Variants in ADGRA1 observed in about 807,000 individuals in gnomAD.
ADGRA1 encodes adhesion G protein-coupled receptor A1.
In ADGRA1, 12 loss-of-function variants were observed where a neutral mutation model predicts 21.3. That is an observed-to-expected ratio of 0.56 (90% CI 0.36 to 0.91). The LOEUF (loss-of-function observed/expected upper bound fraction) is 0.91. Among genes scored for constraint, ADGRA1 ranks in the 40% least tolerant of loss-of-function variants. ADGRA1 has a pLI of 0.01. For missense variants in ADGRA1, 790 were observed against 805.6 expected (o/e 0.98, Z 0.23); for synonymous variants, 385 against 368.8 (o/e 1.04, Z -0.50).
At chr10:133,117,591 A>G (rs11101938) in intron 5 of ADGRA1, among the ~76,000 whole-genome samples, 2,933 of 152,298 alleles carry the variant, frequency 0.019, 40 homozygotes, top group Non-Finnish European at 0.027. Flanking sequence ...TACCCCTGGC[A>G]CTCAGGCCGT....
chr10:133,111,892 GACACCTCCCTCCTAAT>G (rs1564849535), intron 5 of ADGRA1, among the ~76,000 whole-genome samples: 9 of 114,904 alleles, frequency 7.8e-5, no homozygotes, highest in Admixed American at 1.7e-4. Context: ...GCCCACCACA[GACACCTCCCTCCTAAT>G]GCCTCCAGAC....
At chr10:133,095,478 G>A (rs1318377106) in intron 2 of ADGRA1, among the ~76,000 whole-genome samples, 1 of 152,232 alleles carries the variant, frequency 6.6e-6, no homozygotes, top group African/African-American at 2.4e-5. Flanking sequence ...CAGCTCTGCG[G>A]CCCCACAGCG....
intron 2 of ADGRA1, among the ~76,000 whole-genome samples, chr10:133,096,434 C>T (rs765450889): frequency 3.7e-4 from 56 of 152,350 alleles, no homozygotes; most frequent in Admixed American, 8.5e-4. Context: ...TTGCGGCCTC[C>T]GGTCCAGGTC....
At chr10:133,121,581 CAT>C (rs1564853118) in intron 5 of ADGRA1, among the ~76,000 whole-genome samples, 87 of 120,986 alleles carry the variant, frequency 7.2e-4, no homozygotes, top group African/African-American at 2.7e-3. Flanking sequence ...CATGCCTGTG[CAT>C]GTGTGTGCCT....
chr10:133,091,092 G>A (rs57984527), intron 2 of ADGRA1, among the ~76,000 whole-genome samples: 5,690 of 152,340 alleles, frequency 0.037, 292 homozygotes, highest in African/African-American at 0.12. Flanking sequence ...CAGGACTTAC[G>A]TTCCAGCAGG....
At chr10:133,123,904 C>A (rs1401516914) in intron 5 of ADGRA1, among the ~76,000 whole-genome samples, 1 of 152,318 alleles carries the variant, frequency 6.6e-6, no homozygotes, top group African/African-American at 2.4e-5. Flanking sequence ...CACCGCCACT[C>A]ACTTAACCCC....
chr10:133,124,725 G>A (rs1343892913), intron 5 of ADGRA1, among the ~76,000 whole-genome samples: 3 of 152,262 alleles, frequency 2.0e-5, no homozygotes, highest in African/African-American at 7.2e-5. Context: ...CCAGCTGCCA[G>A]ACGGGCGGGA....
chr10:133,088,233 G>A, intron 1 of ADGRA1, 95 bp downstream of exon 1: 1 of 474,466 alleles, frequency 2.1e-6, no homozygotes, highest in Non-Finnish European at 2.8e-6. Context: ...TGGCCGCGAG[G>A]AAAGCAGCTC....
At position 133,118,686 on chromosome 10, in the gene ADGRA1, C is replaced by G. The variant is rs148526923; in HGVS notation, c.402-8547C>G. On this transcript the variant is annotated intron_variant, in intron 5 of 6. Coordinates refer to ENST00000392607, the MANE Select transcript of ADGRA1 (RefSeq NM_001083909.3). The stretch of plus-strand genomic sequence containing the variant: ...GCCGCCCCCTGATCCAGTCACCTCC[C>G]ACCAGGTCCTGCCCTCAACACATGG... Among the ~76,000 whole-genome samples the G allele has an allele frequency of 7.0e-3, 1,072 of 152,308 alleles. 8 individuals are homozygous for G. Among genetic ancestry groups the G allele is most frequent in the African/African-American group, 0.024 (1,014 of 41,552 alleles).
intron 2 of ADGRA1, among the ~76,000 whole-genome samples, chr10:133,095,449 A>G (rs1851668857): frequency 1.3e-5 from 2 of 152,224 alleles, no homozygotes; most frequent in Non-Finnish European, 2.9e-5. Flanking sequence ...CCCGGAAAGC[A>G]AAGTGTCTGC....
intron 4 of ADGRA1, among the ~76,000 whole-genome samples, chr10:133,101,437 G>A (rs1425143997): frequency 6.6e-6 from 1 of 152,222 alleles, no homozygotes; most frequent in East Asian, 1.9e-4. Flanking sequence ...CAGCACCGTG[G>A]GACGCTGGTG....
In ADGRA1 at chr10:133,128,581, A is replaced by G. The variant is rs747434787; in HGVS notation, c.753A>G (p.Ser251=). 2.5e-6 allele frequency: 4 copies of G among 1,585,836 alleles called. No homozygotes were observed. The African/African-American group carries it at 5.4e-5, about 21-fold the overall frequency. ...PGASVLQNEH[S]FQAQLRAAAF... ...CCTCCGTGCTGCAGAACGAGCACTC[A>G]TTCCAGGCACAGCTGCGCGCCGCCG... The change falls in exon 7 of 7, where the codon TCA becomes TCG. Residue 251 remains serine (S), a synonymous_variant. Coordinates refer to ENST00000392607, the MANE Select transcript of ADGRA1 (RefSeq NM_001083909.3).
At chr10:133,116,263 G>A (rs954590203) in intron 5 of ADGRA1, among the ~76,000 whole-genome samples, 13 of 152,174 alleles carry the variant, frequency 8.5e-5, no homozygotes, top group African/African-American at 2.4e-4. Context: ...CTGATCCGCA[G>A]GGCCTGTGCC....
chr10:133,112,744 C>A (rs12357301), intron 5 of ADGRA1, among the ~76,000 whole-genome samples: 3 of 64,946 alleles, frequency 4.6e-5, no homozygotes, highest in African/African-American at 1.8e-4. Flanking sequence ...TTGAGGTCTG[C>A]GGGCCGCGTC....
At chr10:133,110,422 G>A (rs989774987) in intron 5 of ADGRA1, among the ~76,000 whole-genome samples, 5 of 152,186 alleles carry the variant, frequency 3.3e-5, no homozygotes, top group South Asian at 2.1e-4. Flanking sequence ...CACATCCTGC[G>A]TCCCTGCACA....
At chr10:133,113,309 G>A (rs895364758) in intron 5 of ADGRA1, among the ~76,000 whole-genome samples, 9 of 151,906 alleles carry the variant, frequency 5.9e-5, no homozygotes, top group African/African-American at 1.5e-4. Flanking sequence ...ATGGCACCGC[G>A]GCACTTAGAT....
In ADGRA1 at chr10:133,102,761, A is replaced by G. The variant is rs1564845866; in HGVS notation, c.320A>G (p.Asn107Ser). The G allele has an allele frequency of 1.2e-6, 2 of 1,612,848 alleles. No individual in the cohort carries two copies. Among genetic ancestry groups the G allele is most frequent in the Admixed American group, 3.3e-5 (2 of 60,012 alleles). ...CTGTGGATAGGAGTGACCGCCAGGA[A>G]CATCTACAAGCAGGTGACCAAGAAG... ...TMLWIGVTAR[N>S]IYKQVTKKAP... is the part of the protein sequence containing the mutation. Residue 107 changes from asparagine (N) to serine (S), a missense_variant, in exon 5 of 7, where the codon AAC becomes AGC. Asn to Ser is a conservative substitution (Grantham distance 46, BLOSUM62 1). Coordinates refer to ENST00000392607, the MANE Select transcript of ADGRA1 (RefSeq NM_001083909.3).
intron 4 of ADGRA1, chr10:133,102,355 C>A (rs532485582): frequency 1.9e-6 from 1 of 518,060 alleles, no homozygotes; most frequent in Admixed American, 2.1e-5. Context: ...GCTCAGGGGA[C>A]GTTGGTCTGC....
intron 5 of ADGRA1, among the ~76,000 whole-genome samples, chr10:133,104,306 G>A (rs1038845553): frequency 2.0e-5 from 3 of 152,218 alleles, no homozygotes; most frequent in Admixed American, 6.5e-5. Flanking sequence ...TCCTGCCAGG[G>A]AGGCCCCAGG....
Sources: allele counts gnomAD v4.1 joint callset (sites outside exome capture counted in the v4.1 genomes callset), GRCh38; gene constraint gnomAD v4.1.1; transcripts MANE v1.5; gene names NCBI Gene and HGNC (gene_info 2026-07-23, HGNC 2026-07-21).